RBMS3: variants seen among roughly 807,000 people sequenced by gnomAD.
RBMS3 encodes RNA binding motif single stranded interacting protein 3.
In RBMS3, 27 loss-of-function variants were observed where a neutral mutation model predicts 66.8. The observed-to-expected ratio is 0.40, with a 90% CI of 0.30 to 0.56. The LOEUF (loss-of-function observed/expected upper bound fraction) is 0.56, where lower values mean the gene tolerates loss of function less well. RBMS3 is among the 20% of genes least tolerant of loss of function. RBMS3 has a pLI of 0.40. For synonymous variants in RBMS3, 188 were observed against 183.0 expected (o/e 1.03, Z -0.22); for missense variants, 513 against 549.5 (o/e 0.93, Z 0.66).
chr3:29,502,945 T>C (rs182219954), intron 3 of RBMS3, among the ~76,000 whole-genome samples: 1 of 152,226 alleles, frequency 6.6e-6, no homozygotes, highest in Non-Finnish European at 1.5e-5. Context: ...TTAAGTTCTG[T>C]TTGGCTTGCC....
intron 1 of RBMS3, among the ~76,000 whole-genome samples, chr3:29,359,630 C>T (rs1207400581): frequency 2.0e-5 from 3 of 152,166 alleles, no homozygotes; most frequent in African/African-American, 7.2e-5. Flanking sequence ...GGTTCCAGCT[C>T]CTTCTTGTAC....
intron 7 of RBMS3, among the ~76,000 whole-genome samples, chr3:29,873,083 T>C (rs1305939509): frequency 6.6e-6 from 1 of 152,210 alleles, no homozygotes; most frequent in Non-Finnish European, 1.5e-5. Flanking sequence ...TCAGGCTCTT[T>C]TTTTGTTCCA....
intron 1 of RBMS3, among the ~76,000 whole-genome samples, chr3:29,418,771 G>T (rs1006419138): frequency 3.3e-5 from 5 of 152,120 alleles, no homozygotes; most frequent in African/African-American, 1.2e-4. Context: ...TCTACTGATG[G>T]ATCTTAATTC....
intron 2 of RBMS3, among the ~76,000 whole-genome samples, chr3:29,446,779 C>T (rs951990358): frequency 1.3e-5 from 2 of 152,006 alleles, no homozygotes; most frequent in African/African-American, 4.8e-5. Context: ...TCTGATATCA[C>T]TTGGATTTTA....
intron 6 of RBMS3, among the ~76,000 whole-genome samples, chr3:29,803,935 T>C (rs1050670189): frequency 6.6e-6 from 1 of 152,088 alleles, no homozygotes; most frequent in Non-Finnish European, 1.5e-5. Flanking sequence ...CAAAGTAGGC[T>C]ATTTCATTCT....
intron 2 of RBMS3, among the ~76,000 whole-genome samples, chr3:29,442,183 C>T (rs2041651020): frequency 6.6e-6 from 1 of 152,022 alleles, no homozygotes; most frequent in African/African-American, 2.4e-5. Flanking sequence ...TATTTTGACT[C>T]ATATGATTAA....
intron 2 of RBMS3, among the ~76,000 whole-genome samples, chr3:29,481,796 A>G (rs2043137479): frequency 6.6e-6 from 1 of 152,212 alleles, no homozygotes; most frequent in African/African-American, 2.4e-5. Context: ...TCAAATGGTC[A>G]TTAGATACTA....
intron 4 of RBMS3, among the ~76,000 whole-genome samples, chr3:29,597,925 T>A (rs2048011908): frequency 6.6e-6 from 1 of 152,152 alleles, no homozygotes; most frequent in African/African-American, 2.4e-5. Flanking sequence ...GGTGTTCATA[T>A]TTAAGGTAAC....
chr3:29,659,599 A>G (rs1012408678), intron 4 of RBMS3, among the ~76,000 whole-genome samples: 1 of 152,194 alleles, frequency 6.6e-6, no homozygotes, highest in Non-Finnish European at 1.5e-5. Context: ...GTATATGTAT[A>G]TACTACATTT....
At chr3:29,981,149 A>G (rs551201426) in intron 12 of RBMS3, among the ~76,000 whole-genome samples, 1 of 152,238 alleles carries the variant, frequency 6.6e-6, no homozygotes, top group African/African-American at 2.4e-5. Flanking sequence ...GATCCTTCAC[A>G]TCCCTTGTCA....
chr3:29,751,261 A>G (rs1390244271), intron 5 of RBMS3, among the ~76,000 whole-genome samples: 1 of 152,214 alleles, frequency 6.6e-6, no homozygotes, highest in African/African-American at 2.4e-5. Flanking sequence ...TGTGTTATCA[A>G]TACTAAAGCT....
At position 29,362,484 on chromosome 3, in the gene RBMS3, G is replaced by C. The variant is rs150568326; in HGVS notation, c.76-72259G>C. Among the ~76,000 whole-genome samples the C allele has an allele frequency of 3.3e-3, 497 of 152,330 alleles. 2 individuals carry two copies. The highest frequency in any genetic ancestry group is 0.011 in the African/African-American group (476 of 41,564). ...CTGGGGGCTGCCTCCCAGATAGGCTGCTCGGGGGTCAGGAACCCACTTGAG... is the reference window on the plus strand; with the variant it reads ...CTGGGGGCTGCCTCCCAGATAGGCTCCTCGGGGGTCAGGAACCCACTTGAG... On this transcript the variant is annotated intron_variant, in intron 1 of 14. Transcript: ENST00000383767.
At chr3:29,655,512 A>T (rs1453047757) in intron 4 of RBMS3, among the ~76,000 whole-genome samples, 1 of 152,230 alleles carries the variant, frequency 6.6e-6, no homozygotes, top group Non-Finnish European at 1.5e-5. Flanking sequence ...AAGTGACATC[A>T]TAGTTGCCAT....
At chr3:29,339,574 T>C (rs1575574859) in intron 1 of RBMS3, among the ~76,000 whole-genome samples, 2 of 127,288 alleles carry the variant, frequency 1.6e-5, no homozygotes, top group African/African-American at 2.6e-5. Flanking sequence ...TCAGGTAGAC[T>C]TTAACTTTTT....
chr3:29,732,628 C>A (rs867734392), intron 4 of RBMS3, among the ~76,000 whole-genome samples: 1 of 152,070 alleles, frequency 6.6e-6, no homozygotes, highest in Non-Finnish European at 1.5e-5. Context: ...CATCTTTGTT[C>A]GAATTAGTGT....
At chr3:29,706,583 C>T (rs1429038882) in intron 4 of RBMS3, among the ~76,000 whole-genome samples, 1 of 152,146 alleles carries the variant, frequency 6.6e-6, no homozygotes, top group Admixed American at 6.5e-5. Context: ...AGTATGAAAT[C>T]ATGTACCCCA....
rs370411535 is a variant in RBMS3, at chr3:29,663,040, AGTTCT to A, written c.399+75836_399+75840del. 5.7e-3 allele frequency among the ~76,000 whole-genome samples: 863 copies of A among 152,168 alleles called. 9 individuals carry two copies. The highest frequency in any genetic ancestry group is 0.019 in the African/African-American group (776 of 41,522). On this transcript the variant is annotated intron_variant, in intron 4 of 14. Transcript: ENST00000383767. Reference sequence around the variant, plus strand: ...TGACAGAAAGTTATTTGGAGGTAAAAGTTCTATTTTTCTTGCTTGTTTGTTTGTTT... The same window carrying A: ...TGACAGAAAGTTATTTGGAGGTAAAAATTTTTCTTGCTTGTTTGTTTGTTT...
At chr3:29,693,316 G>T (rs1157483778) in intron 4 of RBMS3, among the ~76,000 whole-genome samples, 1 of 152,010 alleles carries the variant, frequency 6.6e-6, no homozygotes, top group Non-Finnish European at 1.5e-5. Context: ...AATTTTCTCT[G>T]GATAGTTAGA....
At chr3:29,782,358 T>G (rs894748572) in intron 6 of RBMS3, among the ~76,000 whole-genome samples, 7 of 152,170 alleles carry the variant, frequency 4.6e-5, no homozygotes, top group Admixed American at 3.3e-4. Flanking sequence ...ATCACAAGAC[T>G]CTTTGCAGAC....
Sources: gnomAD v4.1 joint callset for allele counts (sites outside exome capture counted in the v4.1 genomes callset) on GRCh38, gnomAD v4.1.1 for gene constraint, MANE v1.5 for transcripts, NCBI Gene and HGNC (gene_info 2026-07-23, HGNC 2026-07-21) for gene names.